Variants in ARID2 observed in about 807,000 individuals in gnomAD.
ARID2 encodes the protein AT-rich interactive domain-containing protein 2.
ARID2 carries 32 observed loss-of-function variants against 184.6 expected under a neutral mutation model. That is an observed-to-expected ratio of 0.17 (90% CI 0.13 to 0.23). The LOEUF is 0.23. Among genes scored for constraint, ARID2 ranks in the 10% least tolerant of loss-of-function variants. The pLI is 1.00. For synonymous variants in ARID2, 836 were observed against 772.6 expected (o/e 1.08, Z -1.36); for missense variants, 1,696 against 2,197.6 (o/e 0.77, Z 4.56).
chr12:45,815,143 T>C (rs1210845895), intron 4 of ARID2, among the ~76,000 whole-genome samples: 1 of 152,156 alleles, frequency 6.6e-6, no homozygotes. Context: ...AGATAAGGAA[T>C]ACGGGTTCCA....
chr12:45,797,671 A>G (rs1368365627), intron 3 of ARID2, among the ~76,000 whole-genome samples: 2 of 152,100 alleles, frequency 1.3e-5, no homozygotes, highest in Non-Finnish European at 2.9e-5. Context: ...TTTTACATTT[A>G]AATTTCTTAC....
chr12:45,839,654 C>T (rs1565616769), intron 11 of ARID2, 158 bp downstream of exon 11: 16 of 747,028 alleles, frequency 2.1e-5, no homozygotes, highest in Admixed American at 3.4e-5. Flanking sequence ...AGATATTATA[C>T]ATTCCAGGAG....
chr12:45,893,743 G>A (rs1345903218), intron 20 of ARID2, 22 bp downstream of exon 20: 1 of 1,491,598 alleles, frequency 6.7e-7, no homozygotes, highest in South Asian at 1.3e-5. Context: ...GTTTTCTGTA[G>A]CCAAAGTGAA....
chr12:45,730,991 AC>A (rs915732221), intron 2 of ARID2, among the ~76,000 whole-genome samples: 1 of 145,152 alleles, frequency 6.9e-6, no homozygotes, highest in Non-Finnish European at 1.5e-5. Flanking sequence ...AACCCACCAA[AC>A]CCCCCCACCC....
At chr12:45,898,812 G>A (rs993987438) in intron 20 of ARID2, among the ~76,000 whole-genome samples, 7 of 152,030 alleles carry the variant, frequency 4.6e-5, no homozygotes, top group African/African-American at 1.2e-4. Context: ...AGCTACTCAG[G>A]CTGAGGCAGG....
chr12:45,747,371 A>G (rs1941380064), intron 3 of ARID2, among the ~76,000 whole-genome samples: 1 of 152,212 alleles, frequency 6.6e-6, no homozygotes, highest in African/African-American at 2.4e-5. Context: ...GATCAGGGAA[A>G]AAGCCTGTAA....
chr12:45,756,944 A>ATG (rs1267790592), intron 3 of ARID2, among the ~76,000 whole-genome samples: 2 of 152,212 alleles, frequency 1.3e-5, no homozygotes, highest in East Asian at 3.9e-4. Context: ...TATAAACAAA[A>ATG]TGTGGAGCTC....
intron 3 of ARID2, among the ~76,000 whole-genome samples, chr12:45,763,645 A>T (rs1016893875): frequency 3.3e-5 from 5 of 151,706 alleles, no homozygotes; most frequent in African/African-American, 1.2e-4. Context: ...ACTACAAAAA[A>T]AAAAAAATTT....
chr12:45,799,674 A>C (rs1372748175), intron 3 of ARID2, among the ~76,000 whole-genome samples: 4 of 152,224 alleles, frequency 2.6e-5, no homozygotes, highest in Admixed American at 2.6e-4. Context: ...AGATGACAAA[A>C]TAAGAGAATG....
At chr12:45,807,579 T>A (rs766309502) in intron 3 of ARID2, among the ~76,000 whole-genome samples, 2 of 152,192 alleles carry the variant, frequency 1.3e-5, no homozygotes, top group African/African-American at 2.4e-5. Context: ...TAGTTTTGCC[T>A]ATGGGTTTGG....
At chr12:45,778,615 A>G (rs1003196589) in intron 3 of ARID2, among the ~76,000 whole-genome samples, 3 of 152,138 alleles carry the variant, frequency 2.0e-5, no homozygotes, top group African/African-American at 4.8e-5. Context: ...TACACAGTGT[A>G]TTTACTTAGG....
rs116971843 is a variant in ARID2 at position 45,816,960 on chromosome 12, C to T, written c.419-710C>T. On this transcript the variant is annotated intron_variant, in intron 4 of 20. Coordinates refer to ENST00000334344, the MANE Select transcript of ARID2 (RefSeq NM_152641.4). Reference sequence around the variant, plus strand: ...CTTGACTGTGATGATTAAAACTATACATCTGTCAAAACTTAGAATTGTAGA... The same window carrying T: ...CTTGACTGTGATGATTAAAACTATATATCTGTCAAAACTTAGAATTGTAGA... Among the ~76,000 whole-genome samples, 18 of 152,300 alleles carry T rather than the reference C, an allele frequency of 1.2e-4. No individual in the cohort carries two copies. In the East Asian group the frequency reaches 3.5e-3, roughly 29 times the overall value.
intron 16 of ARID2, among the ~76,000 whole-genome samples, chr12:45,864,211 C>T (rs992986675): frequency 2.0e-5 from 3 of 152,068 alleles, no homozygotes; most frequent in Admixed American, 6.6e-5. Flanking sequence ...TATATCATCA[C>T]ATATTGATGC....
At chr12:45,833,878 G>A (rs1003567208) in intron 6 of ARID2, among the ~76,000 whole-genome samples, 1 of 152,186 alleles carries the variant, frequency 6.6e-6, no homozygotes, top group African/African-American at 2.4e-5. Context: ...TGAACTCAAA[G>A]TATATGTATG....
intron 5 of ARID2, among the ~76,000 whole-genome samples, chr12:45,820,733 G>A (rs1364365031): frequency 6.6e-6 from 1 of 152,142 alleles, no homozygotes; most frequent in Non-Finnish European, 1.5e-5. Flanking sequence ...ATTCGAGCTA[G>A]CAGCATGAAG....
intron 6 of ARID2, among the ~76,000 whole-genome samples, chr12:45,822,446 G>T (rs1942915770): frequency 8.5e-5 from 13 of 152,210 alleles, no homozygotes; most frequent in Admixed American, 7.9e-4. Context: ...TGAGGTGGGA[G>T]GATTGCTTGC....
At chr12:45,873,695 A>C (rs928854710) in intron 16 of ARID2, among the ~76,000 whole-genome samples, 5 of 152,344 alleles carry the variant, frequency 3.3e-5, no homozygotes, top group Admixed American at 2.0e-4. Flanking sequence ...TAATGTTTAC[A>C]CTATACTGTA....
chr12:45,762,596 AC>A (rs2138011538), intron 3 of ARID2, among the ~76,000 whole-genome samples: 1 of 152,326 alleles, frequency 6.6e-6, no homozygotes, highest in South Asian at 2.1e-4. Context: ...AAGATGCCCT[AC>A]CATTATCAAT....
rs185232404 is a variant in ARID2 at position 45,849,411 on chromosome 12, G to A, written c.1716-169G>A. 3.0e-3 allele frequency among the ~76,000 whole-genome samples: 463 copies of A among 152,240 alleles called. 11 individuals carry two copies. Among genetic ancestry groups the A allele is most frequent in the East Asian group, 0.025 (130 of 5,188 alleles). On this transcript the variant is annotated intron_variant, in intron 13 of 20. Coordinates refer to ENST00000334344, the MANE Select transcript of ARID2 (RefSeq NM_152641.4). ...TAAATAATGATGTTTTAAATGGGATGATTAATCTTTTATATTTCTTTGCTT... is the reference window on the plus strand; with the variant it reads ...TAAATAATGATGTTTTAAATGGGATAATTAATCTTTTATATTTCTTTGCTT...
Sources: gnomAD v4.1 joint callset for allele counts (sites outside exome capture counted in the v4.1 genomes callset) on GRCh38, gnomAD v4.1.1 for gene constraint, MANE v1.5 for transcripts, NCBI Gene and HGNC (gene_info 2026-07-23, HGNC 2026-07-21) for gene names.